The following USH2A variants were observed in gnomAD, a reference collection of about 807,000 sequenced individuals.
USH2A encodes Usher syndrome 2A (autosomal recessive, mild).
In USH2A, 443 loss-of-function variants were observed where a neutral mutation model predicts 538.9. That is an observed-to-expected ratio of 0.82 (90% CI 0.76 to 0.89). USH2A has a LOEUF of 0.89. Ranked by LOEUF, USH2A falls within the 40% of genes least tolerant of loss-of-function variation. USH2A has a pLI of 0.00. For synonymous variants in USH2A, 2,413 were observed against 2,273.5 expected (o/e 1.06, Z -1.75); for missense variants, 6,633 against 6,324.8 (o/e 1.05, Z -1.65).
chr1:216,073,563 T>TTAA (rs1162272784), intron 27 of USH2A, among the ~76,000 whole-genome samples: 2 of 152,212 alleles, frequency 1.3e-5, no homozygotes, highest in Admixed American at 6.5e-5. Flanking sequence ...AGCATTTATT[T>TTAA]TACCTCCTTA....
intron 27 of USH2A, 122 bp downstream of exon 27, chr1:216,077,967 A>C: frequency 8.3e-7 from 1 of 1,203,308 alleles, no homozygotes; most frequent in Non-Finnish European, 1.2e-6. Flanking sequence ...CTCCAGAAAA[A>C]GAGATGCTGT....
chr1:215,625,878 A>C lies in USH2A; in HGVS notation c.15520-8T>G, dbSNP rs1020138041. 1 of 1,613,734 alleles carries C rather than the reference A, an allele frequency of 6.2e-7. No individual in the cohort carries two copies. The highest frequency in any genetic ancestry group is 8.5e-7 in the Non-Finnish European group (1 of 1,179,628). On this transcript the variant is annotated splice_region_variant and splice_polypyrimidine_tract_variant and intron_variant, in intron 71 of 71. Transcript: ENST00000307340. ...GTCCTCTTCATCCACATACTGAAAAATAAGCCAATCATCATTGGCTACATA... is the reference window on the plus strand; with the variant it reads ...GTCCTCTTCATCCACATACTGAAAACTAAGCCAATCATCATTGGCTACATA...
At position 216,058,439 on chromosome 1, in the gene USH2A, G is replaced by A. The variant is rs1036802126; in HGVS notation, c.6050-9792C>T. Among the ~76,000 whole-genome samples, 13 of 149,022 alleles carry A rather than the reference G, an allele frequency of 8.7e-5. 1 individual carries two copies. The highest frequency in any genetic ancestry group is 2.1e-4 in the South Asian group (1 of 4,794). On this transcript the variant is annotated intron_variant, in intron 30 of 71. Coordinates refer to ENST00000307340, the MANE Select transcript of USH2A (RefSeq NM_206933.4). Reference sequence around the variant, plus strand: ...ATAGGGCCTAGCACTAGCATGGAACGTGGTAGATCACTTTTTTAAATAAAT... The same window carrying A: ...ATAGGGCCTAGCACTAGCATGGAACATGGTAGATCACTTTTTTAAATAAAT...
intron 4 of USH2A, among the ~76,000 whole-genome samples, chr1:216,363,275 G>A (rs2038530860): frequency 6.6e-6 from 1 of 151,988 alleles, no homozygotes; most frequent in African/African-American, 2.4e-5. Flanking sequence ...TACATGCCAG[G>A]TGCTTGAAAC....
intron 38 of USH2A, among the ~76,000 whole-genome samples, chr1:215,903,395 G>C (rs1352787586): frequency 6.6e-6 from 1 of 152,076 alleles, no homozygotes; most frequent in Non-Finnish European, 1.5e-5. Flanking sequence ...AAATGGGGCA[G>C]CAGCTAGAAA....
At chr1:215,771,616 A>AAAAAAAAAT (rs1661290809) in intron 55 of USH2A, among the ~76,000 whole-genome samples, 1 of 145,004 alleles carries the variant, frequency 6.9e-6, no homozygotes, top group African/African-American at 2.6e-5. Flanking sequence ...AAAAAAAAAA[A>AAAAAAAAAT]AAAAAAAATT....
chr1:216,315,761 T>C (rs1353548866), intron 9 of USH2A, among the ~76,000 whole-genome samples: 1 of 152,158 alleles, frequency 6.6e-6, no homozygotes, highest in African/African-American at 2.4e-5. Flanking sequence ...AAAATGCAAG[T>C]AACAGTGGCT....
intron 32 of USH2A, among the ~76,000 whole-genome samples, chr1:216,014,736 G>A (rs1322905875): frequency 1.3e-5 from 2 of 152,218 alleles, no homozygotes. Flanking sequence ...ATTATCCTTA[G>A]ACGTGTTACA....
intron 49 of USH2A, among the ~76,000 whole-genome samples, chr1:215,802,726 T>C (rs1662373959): frequency 6.6e-6 from 1 of 152,092 alleles, no homozygotes; most frequent in South Asian, 2.1e-4. Context: ...AACATAGAAT[T>C]ACCATATGAT....
chr1:216,102,963 A>AT (rs1423927601), intron 21 of USH2A, among the ~76,000 whole-genome samples: 5 of 152,228 alleles, frequency 3.3e-5, no homozygotes, highest in Non-Finnish European at 7.3e-5. Context: ...AAACTGAAAC[A>AT]TACACACGTG....
chr1:216,129,265 C>A (rs2033320238), intron 21 of USH2A, among the ~76,000 whole-genome samples: 1 of 151,958 alleles, frequency 6.6e-6, no homozygotes, highest in East Asian at 1.9e-4. Flanking sequence ...TGGATAAATA[C>A]CCAGCAGTGG....
In USH2A at chr1:216,147,017, A is replaced by G. The variant is rs112449795; in HGVS notation, c.4627+28235T>C. Among the ~76,000 whole-genome samples the G allele has an allele frequency of 4.4e-3, 663 of 152,316 alleles. 1 individual carries two copies. The highest frequency in any genetic ancestry group is 0.015 in the African/African-American group (637 of 41,560). On this transcript the variant is annotated intron_variant, in intron 21 of 71. Transcript: ENST00000307340. ...CTGCAAAATCTAAATAATTCTTGTC[A>G]TAAAATAGGCAAATGGCCTGAGGTG...
intron 4 of USH2A, among the ~76,000 whole-genome samples, chr1:216,351,988 T>C (rs970406433): frequency 1.3e-5 from 2 of 152,132 alleles, no homozygotes; most frequent in Non-Finnish European, 2.9e-5. Flanking sequence ...GTGAGAGAGC[T>C]TAAGAAAACC....
intron 61 of USH2A, among the ~76,000 whole-genome samples, chr1:215,684,785 G>A (rs957899261): frequency 6.6e-6 from 1 of 152,100 alleles, no homozygotes; most frequent in Admixed American, 6.6e-5. Context: ...TCTTTATCCT[G>A]AAATGGATGA....
chr1:216,010,440 A>G (rs1668532004), intron 32 of USH2A, among the ~76,000 whole-genome samples: 1 of 151,850 alleles, frequency 6.6e-6, no homozygotes, highest in Non-Finnish European at 1.5e-5. Context: ...AGGTTCTCTG[A>G]CTGACCCCTT....
chr1:216,010,034 A>T (rs540559327), intron 32 of USH2A, among the ~76,000 whole-genome samples: 33 of 152,288 alleles, frequency 2.2e-4, no homozygotes, highest in African/African-American at 7.2e-4. Flanking sequence ...CTCAATATAC[A>T]TTTTATTACC....
chr1:216,051,837 C>T (rs919174313), intron 30 of USH2A, among the ~76,000 whole-genome samples: 1 of 152,172 alleles, frequency 6.6e-6, no homozygotes, highest in South Asian at 2.1e-4. Flanking sequence ...TATGATTGTA[C>T]AATTTTACAG....
At chr1:215,873,203 T>C (rs1478206347) in intron 43 of USH2A, among the ~76,000 whole-genome samples, 2 of 152,194 alleles carry the variant, frequency 1.3e-5, no homozygotes, top group Non-Finnish European at 2.9e-5. Context: ...TCCTTTTGAA[T>C]TAAGTGCATG....
chr1:215,682,145 C>T (rs1239914920), intron 61 of USH2A, among the ~76,000 whole-genome samples: 1 of 152,074 alleles, frequency 6.6e-6, no homozygotes, highest in African/African-American at 2.4e-5. Context: ...ATAGGGCAAA[C>T]ATGGGCAAGA....
Sources: gnomAD v4.1 joint callset for allele counts (sites outside exome capture counted in the v4.1 genomes callset) on GRCh38, gnomAD v4.1.1 for gene constraint, MANE v1.5 for transcripts, NCBI Gene and HGNC (gene_info 2026-07-23, HGNC 2026-07-21) for gene names.